The following COL15A1 variants were observed in gnomAD, a reference collection of about 807,000 sequenced individuals.
COL15A1 encodes collagen alpha-1(XV) chain.
A neutral mutation model predicts 165.9 loss-of-function variants in COL15A1; 111 were observed. The ratio of observed to expected loss-of-function variants is 0.67; its 90% confidence interval spans 0.57 to 0.78. COL15A1 has a LOEUF of 0.78. Among genes scored for constraint, COL15A1 ranks in the 30% least tolerant of loss-of-function variants. The pLI, the probability that COL15A1 is intolerant of heterozygous loss-of-function variation, is 0.00. For synonymous variants in COL15A1, 659 were observed against 674.8 expected (o/e 0.98, Z 0.36); for missense variants, 1,745 against 1,789.7 (o/e 0.98, Z 0.45).
chr9:99,016,216 C>T lies in COL15A1; in HGVS notation c.1647+97C>T, dbSNP rs181476497. On this transcript the variant is annotated intron_variant, in intron 11 of 41. Coordinates refer to ENST00000375001, the MANE Select transcript of COL15A1 (RefSeq NM_001855.5). ...GGGAAGGGCTGGCCCCCAGCTTTCT[C>T]AGAGGTAGGTTTTCATGTTGGTTTG... 1.2e-4 allele frequency: 178 copies of T among 1,428,068 alleles called. 1 individual carries two copies. The Middle Eastern group carries it at 1.5e-3, about 12-fold the overall frequency. The allele number at this position is 1,428,068 out of a possible 1,614,324, so 88.5% of individuals were successfully genotyped here. A position where few individuals can be genotyped will look rare whatever the true frequency, so the allele number is the denominator to read the frequency against.
Position 99,027,264 on chromosome 9 carries a change from T to C in COL15A1, c.2043+1298T>C, listed in dbSNP as rs1426669843. ...TCAGCTGGGATCAGAAGTGGGGCCTTCTGTGAACCTCTCATGGACAAAGAC... is the reference window on the plus strand; with the variant it reads ...TCAGCTGGGATCAGAAGTGGGGCCTCCTGTGAACCTCTCATGGACAAAGAC... On this transcript the variant is annotated intron_variant, in intron 16 of 41. Coordinates refer to ENST00000375001, the MANE Select transcript of COL15A1 (RefSeq NM_001855.5). 2.0e-5 allele frequency among the ~76,000 whole-genome samples: 3 copies of C among 152,180 alleles called. No homozygotes were observed. In the East Asian group the frequency reaches 5.8e-4, roughly 29 times the overall value.
At chr9:99,040,801 G>T in intron 23 of COL15A1, 3 of 577,500 alleles carry the variant, frequency 5.2e-6, no homozygotes, top group Non-Finnish European at 8.9e-6. Context: ...TTACAAGCAT[G>T]AGCCCCTGAG....
At chr9:98,960,344 G>A (rs377415083) in intron 2 of COL15A1, among the ~76,000 whole-genome samples, 94 of 152,236 alleles carry the variant, frequency 6.2e-4, no homozygotes, top group African/African-American at 2.2e-3. Context: ...AGGCTGCAGT[G>A]AGCCGAGGTC....
In COL15A1 at chr9:99,015,962, G is replaced by A; in HGVS notation, c.1504-14G>A. The A allele has an allele frequency of 1.9e-6, 3 of 1,612,156 alleles. No homozygotes were observed. The highest frequency in any genetic ancestry group is 2.5e-6 in the Non-Finnish European group (3 of 1,179,098). On this transcript the variant is annotated splice_polypyrimidine_tract_variant and intron_variant, in intron 10 of 41. Transcript: ENST00000375001. ...CGAGGTGAGGTGGTGCCTTAATGCT[G>A]GTTTTGTTTTCAGGGTCCTGGTGAT...
At chr9:98,986,338 CCTCT>C (rs1023861543) in intron 3 of COL15A1, 17 of 521,012 alleles carry the variant, frequency 3.3e-5, no homozygotes, top group African/African-American at 1.7e-4. Flanking sequence ...ATTCTCTGAT[CCTCT>C]CTGTGTTTCC....
rs1838738512 is a variant in COL15A1 at position 99,005,217 on chromosome 9, G to C, written c.1353+167G>C. The stretch of plus-strand genomic sequence containing the variant: ...GTTTGCCAAGGCCTGGGTGAGTGTG[G>C]TGAAGCCCCTGGAGGTCAGTGAGCA... On this transcript the variant is annotated intron_variant, in intron 9 of 41. Transcript: ENST00000375001. 2.0e-5 allele frequency among the ~76,000 whole-genome samples: 3 copies of C among 152,168 alleles called. No homozygotes were observed. The South Asian group carries it at 6.2e-4, about 32-fold the overall frequency.
At chr9:99,068,531 T>C (rs913213944) in intron 40 of COL15A1, 24 bp from the exon 41 acceptor site, 13 of 982,520 alleles carry the variant, frequency 1.3e-5, no homozygotes, top group Non-Finnish European at 1.9e-5. Context: ...ATAATGATTC[T>C]AATGTGGTAT....
chr9:99,070,647 A>G lies in COL15A1; in HGVS notation c.*761A>G, dbSNP rs1310567570. On this transcript the variant is annotated 3_prime_UTR_variant, in exon 42 of 42. Transcript: ENST00000375001. ...ACAATTTTATGACTTCCATTTGGCA[A>G]TTGTTGAATTATAACTGCGACTGAA... is the stretch of plus-strand genomic sequence containing the variant. 4 of 453,220 alleles carry G rather than the reference A, an allele frequency of 8.8e-6. No homozygotes were observed. The highest frequency in any genetic ancestry group is 1.8e-5 in the Non-Finnish European group (4 of 225,686). 28.1% of individuals were successfully genotyped at this position (453,220 alleles called of 1,614,324 possible).
chr9:99,067,209 G>A, intron 40 of COL15A1, 142 bp downstream of exon 40: 1 of 693,256 alleles, frequency 1.4e-6, no homozygotes, highest in Non-Finnish European at 2.3e-6. Flanking sequence ...CTTTGGGTGG[G>A]TTCTTTGCCT....
intron 5 of COL15A1, among the ~76,000 whole-genome samples, chr9:98,992,217 G>T (rs956587211): frequency 2.6e-5 from 4 of 152,264 alleles, no homozygotes; most frequent in Non-Finnish European, 5.9e-5. Context: ...GGGGGCTCGG[G>T]CATGGCAGGC....
chr9:98,970,282 C>A (rs560760326), intron 2 of COL15A1, among the ~76,000 whole-genome samples: 1 of 152,206 alleles, frequency 6.6e-6, no homozygotes, highest in African/African-American at 2.4e-5. Flanking sequence ...TATTTATGTA[C>A]TATTTCTAGA....
chr9:98,955,169 A>G (rs1055362624), intron 2 of COL15A1, among the ~76,000 whole-genome samples: 2 of 152,232 alleles, frequency 1.3e-5, no homozygotes, highest in Non-Finnish European at 2.9e-5. Flanking sequence ...TCCTGGGTGC[A>G]GTCTAAGATG....
chr9:98,979,612 GT>G (rs952707436), intron 2 of COL15A1, among the ~76,000 whole-genome samples: 1 of 151,710 alleles, frequency 6.6e-6, no homozygotes, highest in Non-Finnish European at 1.5e-5. Context: ...TCATTTCATG[GT>G]TTTGGGGTTT....
At chr9:99,062,647 C>G (rs78290795) in intron 38 of COL15A1, among the ~76,000 whole-genome samples, 2,398 of 152,272 alleles carry the variant, frequency 0.016, 59 homozygotes, top group African/African-American at 0.052. Flanking sequence ...CCATCTGCCT[C>G]ATAAGAACAT....
chr9:98,961,657 G>A (rs925159876), intron 2 of COL15A1, among the ~76,000 whole-genome samples: 3 of 152,142 alleles, frequency 2.0e-5, no homozygotes, highest in East Asian at 1.9e-4. Flanking sequence ...GGCCCTGGGG[G>A]AGCATCTTGG....
chr9:98,986,028 G>A lies in COL15A1; in HGVS notation c.564G>A (p.Gln188=). 3 of 1,614,094 alleles carry A rather than the reference G, an allele frequency of 1.9e-6. No homozygotes were observed. The highest frequency in any genetic ancestry group is 1.3e-5 in the African/African-American group (1 of 75,026). ...AGGAGCACAGCCGCATCCCCTTCCA[G>A]CGGTCCTCCCAGGCTTTGGCTTTTG... ...NCEEHSRIPF[Q]RSSQALAFES... Residue 188 remains glutamine (Q), a synonymous_variant, in exon 3 of 42, where the codon CAG becomes CAA. Transcript: ENST00000375001.
At chr9:99,039,236 A>G (rs1839358440) in intron 22 of COL15A1, among the ~76,000 whole-genome samples, 1 of 152,196 alleles carries the variant, frequency 6.6e-6, no homozygotes, top group Admixed American at 6.5e-5. Flanking sequence ...TTTGGCCAGA[A>G]GTGGTGGCTC....
At chr9:99,044,807 G>T in intron 26 of COL15A1, 37 bp downstream of exon 26, 3 of 1,587,322 alleles carry the variant, frequency 1.9e-6, no homozygotes. Flanking sequence ...TCTGGGCTGG[G>T]GTTTGAAGCA....
chr9:99,042,038 C>T lies in COL15A1; in HGVS notation c.2512-7C>T, dbSNP rs376113319. 3 of 1,593,122 alleles carry T rather than the reference C, an allele frequency of 1.9e-6. No individual in the cohort carries two copies. Among genetic ancestry groups the T allele is most frequent in the Non-Finnish European group, 1.7e-6 (2 of 1,163,712 alleles). On this transcript the variant is annotated splice_polypyrimidine_tract_variant and splice_region_variant and intron_variant, in intron 23 of 41. Transcript: ENST00000375001. ...ACAACCAAATACTATATAACAATTC[C>T]TTCCAGGGTCCTAGAGGACCAAAAG...
Sources: allele counts gnomAD v4.1 joint callset (sites outside exome capture counted in the v4.1 genomes callset), GRCh38; gene constraint gnomAD v4.1.1; transcripts MANE v1.5; gene names NCBI Gene and HGNC (gene_info 2026-07-23, HGNC 2026-07-21).